NEDD4L: variants seen among roughly 807,000 people sequenced by gnomAD.
The protein encoded by NEDD4L is E3 ubiquitin-protein ligase NEDD4-like.
Under a neutral mutation model 148.9 loss-of-function variants are expected in NEDD4L, and 54 were observed. The observed-to-expected ratio is 0.36, with a 90% CI of 0.29 to 0.45. The LOEUF (loss-of-function observed/expected upper bound fraction) is 0.45, where lower values mean the gene tolerates loss of function less well. Among genes scored for constraint, NEDD4L ranks in the 20% least tolerant of loss-of-function variants. The pLI is 1.00. For missense variants in NEDD4L, 856 were observed against 1,233.8 expected (o/e 0.69, Z 4.59); for synonymous variants, 433 against 440.7 (o/e 0.98, Z 0.22).
Position 58,044,489 on chromosome 18 carries a change from G to T in NEDD4L, c.-172G>T. On this transcript the variant is annotated 5_prime_UTR_variant, in exon 1 of 31. It adds an upstream start codon to the 5' untranslated region. Transcript: ENST00000400345. ...GAGGAAGCGGTGCCGGCAGCGTCCA[G>T]GGCGCGCTCTCGGGCACCCTCACCT... 1.2e-6 allele frequency: 1 copy of T among 831,880 alleles called. No homozygotes were observed. 51.5% of individuals were successfully genotyped at this position (831,880 alleles called of 1,614,324 possible). A position where few individuals can be genotyped will look rare whatever the true frequency, so the allele number is the denominator to read the frequency against.
intron 27 of NEDD4L, chr18:58,388,436 G>A (rs1380664884): frequency 6.6e-6 from 1 of 152,250 alleles, no homozygotes; most frequent in Non-Finnish European, 1.5e-5. Flanking sequence ...TTATTTCCAG[G>A]CTTCTGGCTT....
chr18:58,209,710 AG>A (rs2042408144), intron 2 of NEDD4L, among the ~76,000 whole-genome samples: 2 of 117,096 alleles, frequency 1.7e-5, no homozygotes, highest in Admixed American at 1.6e-4. Flanking sequence ...AGATCAACTA[AG>A]TAAACAAAAA....
intron 2 of NEDD4L, among the ~76,000 whole-genome samples, chr18:58,233,229 A>G (rs1250051512): frequency 6.6e-6 from 1 of 152,212 alleles, no homozygotes; most frequent in East Asian, 1.9e-4. Context: ...AATAATAATA[A>G]TAATAATTGG....
intron 1 of NEDD4L, among the ~76,000 whole-genome samples, chr18:58,110,484 C>G (rs909128718): frequency 1.3e-5 from 2 of 152,210 alleles, no homozygotes; most frequent in African/African-American, 2.4e-5. Flanking sequence ...TGATGAGATT[C>G]GTGTGGCTCT....
chr18:58,312,959 C>T (rs1601080204), intron 5 of NEDD4L, among the ~76,000 whole-genome samples: 2 of 152,176 alleles, frequency 1.3e-5, no homozygotes, highest in Non-Finnish European at 2.9e-5. Context: ...AGATTACAGG[C>T]GTGAGCCACC....
At chr18:58,159,313 A>G (rs1434253694) in intron 1 of NEDD4L, among the ~76,000 whole-genome samples, 1 of 152,130 alleles carries the variant, frequency 6.6e-6, no homozygotes, top group African/African-American at 2.4e-5. Context: ...TGATACTATA[A>G]TGGGGGATAC....
chr18:58,104,203 C>T (rs1168924530), intron 1 of NEDD4L, among the ~76,000 whole-genome samples: 1 of 152,192 alleles, frequency 6.6e-6, no homozygotes, highest in Non-Finnish European at 1.5e-5. Flanking sequence ...GTGAAAGAAG[C>T]CAGATACAAA....
chr18:58,327,001 G>A (rs2144521872), intron 9 of NEDD4L, among the ~76,000 whole-genome samples: 1 of 152,298 alleles, frequency 6.6e-6, no homozygotes, highest in East Asian at 1.9e-4. Flanking sequence ...TCAATAAAGT[G>A]ATTTAAAAGA....
chr18:58,165,659 A>G (rs1465851814), intron 1 of NEDD4L, 129 bp from the exon 2 acceptor site: 9 of 1,531,034 alleles, frequency 5.9e-6, no homozygotes, highest in Non-Finnish European at 7.9e-6. Context: ...AGAATTGCTT[A>G]TGCTCGAATT....
At chr18:58,380,083 A>T (rs2048139314) in intron 24 of NEDD4L, among the ~76,000 whole-genome samples, 1 of 151,958 alleles carries the variant, frequency 6.6e-6, no homozygotes, top group African/African-American at 2.4e-5. Flanking sequence ...TTATTTATTT[A>T]TCTAATTATA....
At chr18:58,359,898 A>G (rs1419014996) in intron 19 of NEDD4L, 1 of 152,234 alleles carries the variant, frequency 6.6e-6, no homozygotes, top group African/African-American at 2.4e-5. Context: ...ACTGCCAGTG[A>G]CAGTCTGAGA....
intron 2 of NEDD4L, among the ~76,000 whole-genome samples, chr18:58,242,757 C>A (rs1263460956): frequency 6.6e-6 from 1 of 152,204 alleles, no homozygotes. Flanking sequence ...CTGCCTGCCT[C>A]AGCCTCCCAA....
intron 2 of NEDD4L, among the ~76,000 whole-genome samples, chr18:58,231,208 A>AG (rs1354987795): frequency 1.3e-5 from 2 of 148,266 alleles, no homozygotes. Context: ...GTGCCACTGC[A>AG]GCCTGGGTGG....
intron 1 of NEDD4L, among the ~76,000 whole-genome samples, chr18:58,159,572 T>A (rs1006568511): frequency 1.3e-5 from 2 of 152,064 alleles, no homozygotes; most frequent in African/African-American, 4.8e-5. Flanking sequence ...TAAAAATGCA[T>A]GAAATAGGAT....
chr18:58,322,116 T>C (rs1238033621), intron 6 of NEDD4L, among the ~76,000 whole-genome samples: 1 of 152,242 alleles, frequency 6.6e-6, no homozygotes, highest in Non-Finnish European at 1.5e-5. Flanking sequence ...CCGCTGGTTC[T>C]CCGAAGTGAA....
intron 16 of NEDD4L, among the ~76,000 whole-genome samples, chr18:58,345,240 C>G (rs1376952036): frequency 1.3e-5 from 2 of 152,212 alleles, no homozygotes; most frequent in African/African-American, 4.8e-5. Flanking sequence ...TTCAGATGTG[C>G]TGACACAGCT....
At chr18:58,136,065 G>T (rs2146045991) in intron 1 of NEDD4L, among the ~76,000 whole-genome samples, 2 of 152,284 alleles carry the variant, frequency 1.3e-5, no homozygotes, top group East Asian at 3.9e-4. Context: ...TGTAAACTCA[G>T]CTTGAAACTT....
intron 1 of NEDD4L, among the ~76,000 whole-genome samples, chr18:58,122,882 G>A (rs2030227331): frequency 6.6e-6 from 1 of 152,016 alleles, no homozygotes; most frequent in Non-Finnish European, 1.5e-5. Context: ...ACAGGTGTGT[G>A]CCACCACGCC....
intron 2 of NEDD4L, among the ~76,000 whole-genome samples, chr18:58,169,561 C>G (rs1285111354): frequency 6.7e-6 from 1 of 149,474 alleles, no homozygotes; most frequent in African/African-American, 2.5e-5. Flanking sequence ...AAAAAAAATG[C>G]TAAGTAAAAG....
Sources: allele counts gnomAD v4.1 joint callset (sites outside exome capture counted in the v4.1 genomes callset), GRCh38; gene constraint gnomAD v4.1.1; transcripts MANE v1.5; gene names NCBI Gene and HGNC (gene_info 2026-07-23, HGNC 2026-07-21).